Variants in PIK3C2G observed in about 807,000 individuals in gnomAD.
PIK3C2G encodes the protein phosphatidylinositol-4-phosphate 3-kinase catalytic subunit type 2 gamma, also known as phosphatidylinositol 3-kinase C2 domain-containing subunit gamma.
A neutral mutation model predicts 181.1 loss-of-function variants in PIK3C2G; 168 were observed. The observed-to-expected ratio is 0.93, with a 90% CI of 0.82 to 1.05. The LOEUF is 1.05. Ranked by LOEUF, PIK3C2G falls within the 50% of genes least tolerant of loss-of-function variation. PIK3C2G has a pLI of 0.00. For missense variants in PIK3C2G, 1,869 were observed against 1,732.8 expected, an observed-to-expected ratio of 1.08 and a Z score of -1.40; for synonymous variants, 573 against 592.2, an observed-to-expected ratio of 0.97 and a Z score of 0.47.
chr12:18,501,456 GTGGGGATTA>G (rs1048041205), intron 22 of PIK3C2G, among the ~76,000 whole-genome samples: 3 of 152,272 alleles, frequency 2.0e-5, no homozygotes, highest in African/African-American at 7.2e-5. Context: ...CCTTCCACAC[GTGGGGATTA>G]TGGGGATTAT....
intron 1 of PIK3C2G, among the ~76,000 whole-genome samples, chr12:18,264,517 G>T (rs1297471694): frequency 1.3e-5 from 2 of 151,986 alleles, no homozygotes; most frequent in Admixed American, 6.6e-5. Context: ...ATGCTGTTTT[G>T]TTGAGTATTG....
At position 18,567,065 on chromosome 12, in the gene PIK3C2G, A is replaced by G. The variant is rs540056029; in HGVS notation, c.4011+8A>G. Reference sequence around the variant, plus strand: ...TCACATGAAGTTACAAACGTATGTTATAATTAATTTTTCTATTTTTACATA... The same window carrying G: ...TCACATGAAGTTACAAACGTATGTTGTAATTAATTTTTCTATTTTTACATA... On this transcript the variant is annotated splice_region_variant and intron_variant, in intron 29 of 32. Transcript: ENST00000538779. 198 of 1,186,034 alleles carry G rather than the reference A, an allele frequency of 1.7e-4. 1 individual carries two copies. In the South Asian group the frequency reaches 2.5e-3, roughly 15 times the overall value. 73.5% of individuals were successfully genotyped at this position (1,186,034 alleles called of 1,614,324 possible). A position where few individuals can be genotyped will look rare whatever the true frequency, so the allele number is the denominator to read the frequency against.
intron 13 of PIK3C2G, among the ~76,000 whole-genome samples, chr12:18,374,945 T>G (rs922183741): frequency 6.6e-6 from 1 of 152,184 alleles, no homozygotes; most frequent in Non-Finnish European, 1.5e-5. Context: ...GCCAGCACCA[T>G]GCTTCCTGTA....
At chr12:18,540,806 G>C (rs1944111869) in intron 25 of PIK3C2G, among the ~76,000 whole-genome samples, 1 of 151,802 alleles carries the variant, frequency 6.6e-6, no homozygotes, top group South Asian at 2.1e-4. Context: ...TTGAAATAGA[G>C]ATCAGAAGCA....
intron 13 of PIK3C2G, 119 bp from the exon 14 acceptor site, chr12:18,381,647 G>C (rs1397747120): frequency 3.2e-6 from 2 of 619,288 alleles, no homozygotes; most frequent in Non-Finnish European, 5.8e-6. Context: ...TCTAGCAACT[G>C]AATAAAGCCC....
Position 18,423,965 on chromosome 12 carries a change from C to A in PIK3C2G, c.2430C>A (p.Asn810Lys), listed in dbSNP as rs61754414. ...QLVQAVKFEW[N>K]LESPLVQLLL... ...TTCAGGCTGTCAAGTTTGAATGGAACCTTGAGAGTCCTTTAGTGCAACTTC... is the reference window on the plus strand; with the variant it reads ...TTCAGGCTGTCAAGTTTGAATGGAAACTTGAGAGTCCTTTAGTGCAACTTC... Residue 810 changes from asparagine to lysine, a missense_variant, in exon 18 of 33, where the codon AAC (asparagine) becomes AAA (lysine). Coordinates refer to ENST00000538779, the MANE Select transcript of PIK3C2G (RefSeq NM_001288772.2). 1.6e-3 allele frequency: 2,570 copies of A among 1,609,498 alleles called. 10 individuals are homozygous for A. The highest frequency in any genetic ancestry group is 7.9e-3 in the Middle Eastern group (48 of 6,056).
At chr12:18,586,267 G>T (rs1048238666) in intron 29 of PIK3C2G, among the ~76,000 whole-genome samples, 1 of 151,894 alleles carries the variant, frequency 6.6e-6, no homozygotes, top group Non-Finnish European at 1.5e-5. Context: ...AAACCTCAAA[G>T]AATCAATCAA....
chr12:18,713,833 A>T, the PIK3C2G span: 1 of 152,214 alleles, frequency 6.6e-6, no homozygotes, highest in African/African-American at 2.4e-5. Flanking sequence ...TACCTAAAAA[A>T]TAAATATTGG....
At position 18,542,788 on chromosome 12, in the gene PIK3C2G, T is replaced by C. The variant is rs149278571; in HGVS notation, c.3481-3535T>C. ...TATTCTATGGTGTATATGTGCCACA[T>C]TTTCTTAATCCAATCTGTCATTGAT... On this transcript the variant is annotated intron_variant, in intron 25 of 32. Transcript: ENST00000538779. Among the ~76,000 whole-genome samples the C allele has an allele frequency of 5.8e-3, 888 of 152,124 alleles. 2 individuals carry two copies. The highest frequency in any genetic ancestry group is 0.01 in the Middle Eastern group (3 of 294).
the PIK3C2G span, among the ~76,000 whole-genome samples, chr12:18,671,648 TA>T: frequency 4.4e-3 from 665 of 151,514 alleles, 4 homozygotes; most frequent in Non-Finnish European, 7.6e-3. Context: ...ATATTGGATA[TA>T]AAAAAAAATT....
At chr12:18,717,909 T>G in the PIK3C2G span, among the ~76,000 whole-genome samples, 1 of 152,168 alleles carries the variant, frequency 6.6e-6, no homozygotes, top group Admixed American at 6.5e-5. Context: ...TATTGGTCAT[T>G]TCCCAAGCTA....
rs138554119 is a variant in PIK3C2G, at chr12:18,555,261, G to A, written c.3591-7442G>A. 4.0e-3 allele frequency among the ~76,000 whole-genome samples: 604 copies of A among 152,208 alleles called. 1 individual carries two copies. Among genetic ancestry groups the A allele is most frequent in the African/African-American group, 0.014 (578 of 41,542 alleles). ...CCTTGGTTCAACTGCCAATGGCATC[G>A]TAGTCATCTCTCCTCAATGCTTAGT... On this transcript the variant is annotated intron_variant, in intron 26 of 32. Coordinates refer to ENST00000538779, the MANE Select transcript of PIK3C2G (RefSeq NM_001288772.2).
the PIK3C2G span, among the ~76,000 whole-genome samples, chr12:18,654,655 T>C: frequency 2.0e-5 from 3 of 152,172 alleles, no homozygotes; most frequent in Non-Finnish European, 4.4e-5. Flanking sequence ...AAGAGAGGAC[T>C]TATTAAAGGG....
intron 18 of PIK3C2G, among the ~76,000 whole-genome samples, chr12:18,486,780 T>C (rs1940084086): frequency 6.6e-6 from 1 of 152,124 alleles, no homozygotes; most frequent in Non-Finnish European, 1.5e-5. Flanking sequence ...ATGTAGACTA[T>C]AAAATGGTAC....
At chr12:18,532,883 G>GTTT (rs139779917) in intron 24 of PIK3C2G, among the ~76,000 whole-genome samples, 2 of 124,958 alleles carry the variant, frequency 1.6e-5, no homozygotes, top group African/African-American at 3.0e-5. Context: ...AAAGTTTGCT[G>GTTT]TTTTTTTTTT....
intron 24 of PIK3C2G, among the ~76,000 whole-genome samples, chr12:18,517,592 G>T (rs556082772): frequency 4.6e-5 from 7 of 152,122 alleles, no homozygotes; most frequent in Non-Finnish European, 8.8e-5. Context: ...TGTATCCTGA[G>T]ACTTTGCTGA....
chr12:18,460,846 C>T (rs1592317488), intron 18 of PIK3C2G, among the ~76,000 whole-genome samples: 1 of 152,000 alleles, frequency 6.6e-6, no homozygotes, highest in Middle Eastern at 3.4e-3. Context: ...GGTAAAATCC[C>T]AGATCTCTCA....
downstream of PIK3C2G, among the ~76,000 whole-genome samples, chr12:18,650,694 GTGTGTGTGTGTATATATCTA>G (rs1565602311): frequency 2.4e-3 from 93 of 38,844 alleles, 6 homozygotes; most frequent in South Asian, 7.4e-3. Flanking sequence ...GTGTGTGTGT[GTGTGTGTGTGTATATATCTA>G]TATATATATA....
At chr12:18,342,593 T>C (rs1337379557) in intron 9 of PIK3C2G, among the ~76,000 whole-genome samples, 15 of 151,942 alleles carry the variant, frequency 9.9e-5, no homozygotes, top group Non-Finnish European at 1.5e-5. Context: ...CCTTTTGGGC[T>C]GAAACCATTT....
Sources: gnomAD v4.1 joint callset for allele counts (sites outside exome capture counted in the v4.1 genomes callset) on GRCh38, gnomAD v4.1.1 for gene constraint, MANE v1.5 for transcripts, NCBI Gene and HGNC (gene_info 2026-07-23, HGNC 2026-07-21) for gene names.